PIGK: variants seen among roughly 807,000 people sequenced by gnomAD.
PIGK encodes phosphatidylinositol glycan anchor biosynthesis class K, also known as GPI-anchor transamidase.
PIGK carries 42 observed loss-of-function variants against 50.6 expected under a neutral mutation model. The ratio of observed to expected loss-of-function variants is 0.83; its 90% CI spans 0.65 to 1.07. The LOEUF (loss-of-function observed/expected upper bound fraction) is 1.07, where lower values mean the gene tolerates loss of function less well. Among genes scored for constraint, PIGK ranks in the 50% least tolerant of loss-of-function variants. PIGK has a pLI of 0.00. For missense variants in PIGK, 448 were observed against 488.7 expected (o/e 0.92, Z 0.78); for synonymous variants, 151 against 156.0 (o/e 0.97, Z 0.24).
chr1:77,119,653 A>G (rs1167963116), intron 10 of PIGK, among the ~76,000 whole-genome samples: 1 of 152,214 alleles, frequency 6.6e-6, no homozygotes, highest in Non-Finnish European at 1.5e-5. Flanking sequence ...CAGTTTAAAT[A>G]TCACACACAA....
intron 9 of PIGK, among the ~76,000 whole-genome samples, chr1:77,136,536 CAAAAAAAAA>C (rs778130093): frequency 1.6e-5 from 1 of 63,672 alleles, no homozygotes. Context: ...GACTCCGTCT[CAAAAAAAAA>C]AAAAAAAAAA....
intron 9 of PIGK, among the ~76,000 whole-genome samples, chr1:77,139,390 G>A (rs1654593778): frequency 6.6e-6 from 1 of 151,862 alleles, no homozygotes; most frequent in African/African-American, 2.4e-5. Flanking sequence ...TTTAGATGAA[G>A]GTGCAGCTGG....
In PIGK at chr1:77,089,150, G is replaced by C. The variant is rs1445772300; in HGVS notation, c.*3224C>G. ...GAAAAAAAAATAAAAATAAAAGCCT[G>C]GTTACCACCAAGGTGTATTGTCCAT... On this transcript the variant is annotated 3_prime_UTR_variant, in exon 11 of 11. Transcript: ENST00000370812. The C allele has an allele frequency of 6.6e-6, 1 of 152,156 alleles. No individual in the cohort carries two copies. Among genetic ancestry groups the C allele is most frequent in the Non-Finnish European group, 1.5e-5 (1 of 68,016 alleles). The allele number at this position is 152,156 out of a possible 1,614,324, so 9.4% of individuals were successfully genotyped here. A position where few individuals can be genotyped will look rare whatever the true frequency, so the allele number is the denominator to read the frequency against.
intron 9 of PIGK, among the ~76,000 whole-genome samples, chr1:77,151,919 A>G (rs1355083901): frequency 6.6e-6 from 1 of 152,170 alleles, no homozygotes; most frequent in Non-Finnish European, 1.5e-5. Flanking sequence ...TACTACCAGA[A>G]GAAGTATATT....
intron 10 of PIGK, among the ~76,000 whole-genome samples, chr1:77,102,176 T>C (rs1208141901): frequency 6.6e-6 from 1 of 152,154 alleles, no homozygotes; most frequent in African/African-American, 2.4e-5. Context: ...ATTACTTCAT[T>C]GTGCGATTAA....
chr1:77,218,458 T>C (rs1227881959), intron 1 of PIGK, among the ~76,000 whole-genome samples: 1 of 152,142 alleles, frequency 6.6e-6, no homozygotes, highest in African/African-American at 2.4e-5. Context: ...AATTAGAATA[T>C]GGGATAAAGA....
intron 10 of PIGK, among the ~76,000 whole-genome samples, chr1:77,107,361 A>C (rs1217333051): frequency 6.6e-6 from 1 of 152,206 alleles, no homozygotes; most frequent in Non-Finnish European, 1.5e-5. Context: ...GTAGTCATTC[A>C]GGAGCAGGTT....
intron 9 of PIGK, among the ~76,000 whole-genome samples, chr1:77,123,717 G>C (rs1489510980): frequency 1.3e-5 from 2 of 152,086 alleles, no homozygotes; most frequent in Non-Finnish European, 2.9e-5. Flanking sequence ...ATGGGGGGAT[G>C]ATAGTTACAC....
At chr1:77,122,499 G>A in intron 9 of PIGK, 140 bp from the exon 10 acceptor site, 1 of 578,092 alleles carries the variant, frequency 1.7e-6, no homozygotes, top group Non-Finnish European at 3.1e-6. Flanking sequence ...AATAATCTTT[G>A]AAACACTACC....
chr1:77,163,187 AT>A (rs1197125295), intron 6 of PIGK, among the ~76,000 whole-genome samples: 1 of 152,164 alleles, frequency 6.6e-6, no homozygotes, highest in Non-Finnish European at 1.5e-5. Flanking sequence ...ACATTACAGT[AT>A]TTATTTTGTA....
In PIGK at chr1:77,122,461, AT is replaced by A. The variant is rs377499771; in HGVS notation, c.987-103del. On this transcript the variant is annotated intron_variant, in intron 9 of 10. Transcript: ENST00000370812. ...ATATGAAATATAGTAAAATGCATAG[AT>A]TTTTTTTGAAATAATCAGTATTTAT... 156 of 674,618 alleles carry A rather than the reference AT, an allele frequency of 2.3e-4. 1 individual carries two copies. Among genetic ancestry groups the A allele is most frequent in the Admixed American group, 5.7e-4 (20 of 35,248 alleles). 41.8% of individuals were successfully genotyped at this position (674,618 alleles called of 1,614,324 possible).
intron 6 of PIGK, among the ~76,000 whole-genome samples, chr1:77,163,048 C>G (rs11162279): frequency 0.17 from 26,584 of 152,064 alleles, 2,522 homozygotes; most frequent in East Asian, 0.36. Flanking sequence ...TTAAATGAGA[C>G]AATAGATGTA....
At chr1:77,212,030 A>G (rs1445935293) in intron 1 of PIGK, among the ~76,000 whole-genome samples, 3 of 152,000 alleles carry the variant, frequency 2.0e-5, no homozygotes, top group South Asian at 2.1e-4. Flanking sequence ...ACTTTATTTG[A>G]ACTCACCAAT....
chr1:77,214,464 TA>T (rs1024153722), intron 1 of PIGK, among the ~76,000 whole-genome samples: 1 of 151,988 alleles, frequency 6.6e-6, no homozygotes, highest in Non-Finnish European at 1.5e-5. Context: ...CCCCTCACGA[TA>T]AAAACTCTCA....
chr1:77,137,511 T>C (rs1183398068), intron 9 of PIGK, among the ~76,000 whole-genome samples: 2 of 152,372 alleles, frequency 1.3e-5, no homozygotes, highest in African/African-American at 4.8e-5. Context: ...TTTCCAAATA[T>C]GCCTCATCAT....
chr1:77,119,413 T>C (rs1654046681), intron 10 of PIGK, among the ~76,000 whole-genome samples: 1 of 152,228 alleles, frequency 6.6e-6, no homozygotes, highest in African/African-American at 2.4e-5. Flanking sequence ...TTTCCCATTT[T>C]CATTTCTGTG....
intron 9 of PIGK, 176 bp downstream of exon 9, chr1:77,154,273 T>C (rs34266525): frequency 0.075 from 43,243 of 575,244 alleles, 2,180 homozygotes; most frequent in Non-Finnish European, 0.1. Context: ...TCCACTAATA[T>C]TGATAGTTTT....
intron 10 of PIGK, among the ~76,000 whole-genome samples, chr1:77,094,531 C>T (rs2069224): frequency 0.4 from 60,718 of 151,910 alleles, 14,592 homozygotes; most frequent in African/African-American, 0.66. Flanking sequence ...CTACATTCAT[C>T]AGAGATTATA....
At chr1:77,213,668 C>T (rs1205447996) in intron 1 of PIGK, among the ~76,000 whole-genome samples, 3 of 151,354 alleles carry the variant, frequency 2.0e-5, no homozygotes, top group Non-Finnish European at 4.4e-5. Context: ...AGACCAAACA[C>T]AAAATAAGAA....
Sources: allele counts gnomAD v4.1 joint callset (sites outside exome capture counted in the v4.1 genomes callset), GRCh38; gene constraint gnomAD v4.1.1; transcripts MANE v1.5; gene names NCBI Gene and HGNC (gene_info 2026-07-23, HGNC 2026-07-21).